The following SLC8A1 variants were observed in gnomAD, a reference collection of about 807,000 sequenced individuals.
SLC8A1 encodes the protein sodium/calcium exchanger 1.
Under a neutral mutation model 68.3 loss-of-function variants are expected in SLC8A1, and 18 were observed. That is an observed-to-expected ratio of 0.26 (90% CI 0.18 to 0.39). The LOEUF (loss-of-function observed/expected upper bound fraction) is 0.39. SLC8A1 is among the 10% of genes least tolerant of loss of function. SLC8A1 has a pLI of 1.00. For synonymous variants in SLC8A1, 475 were observed against 415.5 expected (o/e 1.14, Z -1.74); for missense variants, 985 against 1,156.7 (o/e 0.85, Z 2.15).
intron 7 of SLC8A1, among the ~76,000 whole-genome samples, chr2:40,129,150 C>T (rs951904320): frequency 3.9e-5 from 6 of 151,970 alleles, no homozygotes; most frequent in Admixed American, 3.9e-4. Context: ...AGTGATACCA[C>T]CATAAAGCTG....
exon 2 of SLC8A1, chr2:40,430,244 A>G (rs1421364412): frequency 6.2e-7 from 1 of 1,613,294 alleles, no homozygotes; most frequent in East Asian, 2.2e-5. Context: ...CCCATTGAAA[A>G]GGTGGGTGAA....
rs931460325 is a variant in SLC8A1 at position 40,264,952 on chromosome 2, G to A, written c.1809-87097C>T. On this transcript the variant is annotated intron_variant, in intron 2 of 7. Transcript: ENST00000406785. ...GCAGGTAAGAAAACTGAGGCTTAGA[G>A]GGTGTTTATGAGCACAGGGGAAGAT... Among the ~76,000 whole-genome samples the A allele has an allele frequency of 2.0e-5, 3 of 152,202 alleles. No individual in the cohort carries two copies. The East Asian group carries it at 5.8e-4, about 29-fold the overall frequency.
intron 2 of SLC8A1, among the ~76,000 whole-genome samples, chr2:40,356,311 C>T (rs991516547): frequency 6.6e-6 from 1 of 152,144 alleles, no homozygotes; most frequent in Non-Finnish European, 1.5e-5. Context: ...AGGAAGTACT[C>T]AGATTTATGA....
chr2:40,200,671 G>C (rs979902400), intron 2 of SLC8A1, among the ~76,000 whole-genome samples: 2 of 151,612 alleles, frequency 1.3e-5, no homozygotes, highest in Non-Finnish European at 2.9e-5. Flanking sequence ...ATCTTCAGGG[G>C]ATTCTAATAG....
At chr2:40,346,047 T>TAAAAAAAAAAAAAAAAAAAA (rs774555210) in intron 2 of SLC8A1, among the ~76,000 whole-genome samples, 1 of 41,696 alleles carries the variant, frequency 2.4e-5, no homozygotes, top group Non-Finnish European at 4.5e-5. Context: ...ACATTAACAG[T>TAAAAAAAAAAAAAAAAAAAA]AAAAAAAAAA....
chr2:40,399,715 G>A (rs7559972), intron 2 of SLC8A1, among the ~76,000 whole-genome samples: 82,368 of 151,854 alleles, frequency 0.54, 26,609 homozygotes, highest in East Asian at 0.88. Context: ...GGGAAAAAAA[G>A]TCACTGATGA....
chr2:40,190,558 C>T (rs1287543398), intron 2 of SLC8A1: 1 of 152,142 alleles, frequency 6.6e-6, no homozygotes, highest in Non-Finnish European at 1.5e-5. Context: ...ATGCTGATAA[C>T]AGAAAGAAAT....
chr2:40,178,524 G>C, intron 2 of SLC8A1, 31 bp from the exon 3 acceptor site: 1 of 1,558,640 alleles, frequency 6.4e-7, no homozygotes, highest in Non-Finnish European at 8.8e-7. Flanking sequence ...TGACGAACAA[G>C]GGGAAGAGGA....
chr2:40,461,423 GC>G (rs972848017), intron 1 of SLC8A1, among the ~76,000 whole-genome samples: 13 of 152,146 alleles, frequency 8.5e-5, no homozygotes, highest in African/African-American at 3.1e-4. Context: ...CCCTTGGTGT[GC>G]TGGTGTTTCT....
chr2:40,423,696 G>A (rs1364338136), intron 2 of SLC8A1, among the ~76,000 whole-genome samples: 1 of 151,928 alleles, frequency 6.6e-6, no homozygotes, highest in African/African-American at 2.4e-5. Context: ...GATTATAATA[G>A]CAAATATGGC....
chr2:40,276,130 C>T (rs908985074), intron 2 of SLC8A1, among the ~76,000 whole-genome samples: 18 of 152,172 alleles, frequency 1.2e-4, no homozygotes, highest in Non-Finnish European at 1.6e-4. Context: ...TTTGAGAAGA[C>T]TGGGAAATTG....
At chr2:40,271,599 C>T (rs753346302) in intron 2 of SLC8A1, among the ~76,000 whole-genome samples, 1 of 152,176 alleles carries the variant, frequency 6.6e-6, no homozygotes, top group African/African-American at 2.4e-5. Context: ...GTCTCTGCCA[C>T]TAGAATGCAG....
intron 6 of SLC8A1, among the ~76,000 whole-genome samples, chr2:40,154,484 CTT>C (rs869231195): frequency 2.2e-5 from 1 of 46,190 alleles, no homozygotes; most frequent in African/African-American, 5.4e-5. Context: ...TTTTTCTTTT[CTT>C]TTTTTTTTTT....
At chr2:40,406,467 A>G (rs1412208604) in intron 2 of SLC8A1, among the ~76,000 whole-genome samples, 1 of 152,200 alleles carries the variant, frequency 6.6e-6, no homozygotes, top group Non-Finnish European at 1.5e-5. Flanking sequence ...AAATTTCAAA[A>G]CTTCTAAATG....
chr2:40,443,217 C>G (rs1031054241), intron 1 of SLC8A1, among the ~76,000 whole-genome samples: 2 of 152,068 alleles, frequency 1.3e-5, no homozygotes, highest in Non-Finnish European at 2.9e-5. Flanking sequence ...CACATCTATA[C>G]CTATGTAACA....
At chr2:40,304,158 T>A (rs2072110545) in intron 2 of SLC8A1, among the ~76,000 whole-genome samples, 1 of 152,210 alleles carries the variant, frequency 6.6e-6, no homozygotes, top group Admixed American at 6.5e-5. Context: ...TGGTAGTGTT[T>A]TAATGGTAAC....
At chr2:40,508,541 T>A (rs1484094349) in intron 1 of SLC8A1, among the ~76,000 whole-genome samples, 4 of 152,054 alleles carry the variant, frequency 2.6e-5, no homozygotes. Context: ...ATATATATAT[T>A]TTATAGCTTT....
intron 2 of SLC8A1, among the ~76,000 whole-genome samples, chr2:40,317,966 G>C (rs1350408582): frequency 1.3e-5 from 2 of 152,058 alleles, no homozygotes; most frequent in Non-Finnish European, 2.9e-5. Context: ...AGATTTCCTG[G>C]TGGGTCAGGG....
intron 2 of SLC8A1, among the ~76,000 whole-genome samples, chr2:40,318,333 A>T (rs902864509): frequency 4.6e-5 from 7 of 151,980 alleles, no homozygotes; most frequent in African/African-American, 1.7e-4. Flanking sequence ...TAAAAACCTC[A>T]TTCCAGGATA....
Sources: allele counts gnomAD v4.1 joint callset (sites outside exome capture counted in the v4.1 genomes callset), GRCh38; gene constraint gnomAD v4.1.1; transcripts MANE v1.5; gene names NCBI Gene and HGNC (gene_info 2026-07-23, HGNC 2026-07-21).